The following TMEM120B variants were observed in gnomAD, a reference collection of about 807,000 sequenced individuals.
TMEM120B encodes transmembrane protein 120B.
A neutral mutation model predicts 55.5 loss-of-function variants in TMEM120B; 31 were observed. The observed-to-expected ratio is 0.56, with a 90% CI of 0.42 to 0.75. TMEM120B has a LOEUF of 0.75. Among genes scored for constraint, TMEM120B ranks in the 30% least tolerant of loss-of-function variants. The pLI is 0.00. For missense variants in TMEM120B, 399 were observed against 425.5 expected (o/e 0.94, Z 0.55); for synonymous variants, 203 against 176.3 (o/e 1.15, Z -1.20).
intron 1 of TMEM120B, among the ~76,000 whole-genome samples, chr12:121,722,533 C>T (rs1052987452): frequency 2.6e-5 from 4 of 152,128 alleles, no homozygotes; most frequent in Non-Finnish European, 4.4e-5. Flanking sequence ...ACACTGAGCA[C>T]CCAGAGAGAG....
intron 9 of TMEM120B, 48 bp downstream of exon 9, chr12:121,773,561 CAGCT>C: frequency 3.5e-6 from 5 of 1,421,680 alleles, no homozygotes; most frequent in Non-Finnish European, 4.7e-6. Flanking sequence ...CTGGACCTGC[CAGCT>C]CCCCACACCG....
intron 1 of TMEM120B, among the ~76,000 whole-genome samples, chr12:121,719,404 G>A (rs1894755376): frequency 6.6e-6 from 1 of 152,122 alleles, no homozygotes; most frequent in Non-Finnish European, 1.5e-5. Flanking sequence ...GGGCAATGTA[G>A]TAAGACCCTG....
intron 2 of TMEM120B, among the ~76,000 whole-genome samples, chr12:121,744,691 T>C (rs145566038): frequency 2.0e-5 from 3 of 152,308 alleles, no homozygotes; most frequent in Non-Finnish European, 4.4e-5. Flanking sequence ...CGTGACCCCA[T>C]TGTCAGGCAG....
intron 5 of TMEM120B, among the ~76,000 whole-genome samples, chr12:121,753,126 A>G (rs771037743): frequency 2.6e-5 from 4 of 152,062 alleles, no homozygotes; most frequent in Non-Finnish European, 5.9e-5. Flanking sequence ...GGAGAGAGAA[A>G]TGAAGTACTG....
chr12:121,722,299 A>G (rs969841776), intron 1 of TMEM120B, among the ~76,000 whole-genome samples: 3 of 152,050 alleles, frequency 2.0e-5, no homozygotes, highest in African/African-American at 7.2e-5. Flanking sequence ...GGGTTTTACC[A>G]TGTTGATCAG....
chr12:121,750,506 C>G (rs1873243995), intron 4 of TMEM120B, 67 bp downstream of exon 4: 24 of 1,298,910 alleles, frequency 1.8e-5, no homozygotes, highest in Non-Finnish European at 2.4e-5. Context: ...ACCCACACCC[C>G]AAACCCCACA....
chr12:121,732,400 A>T (rs2137056031), intron 1 of TMEM120B, among the ~76,000 whole-genome samples: 1 of 152,178 alleles, frequency 6.6e-6, no homozygotes, highest in Admixed American at 6.6e-5. Context: ...CCAGTGAGGG[A>T]TCCCTCCCCT....
intron 4 of TMEM120B, 87 bp from the exon 5 acceptor site, chr12:121,752,041 C>T: frequency 1.8e-6 from 2 of 1,109,610 alleles, no homozygotes; most frequent in South Asian, 1.4e-5. Context: ...GGCTGAAGGA[C>T]AAGGGTCTGA....
chr12:121,715,448 CTCTT>C (rs1266673662), intron 1 of TMEM120B, among the ~76,000 whole-genome samples: 6 of 152,234 alleles, frequency 3.9e-5, no homozygotes, highest in African/African-American at 1.4e-4. Flanking sequence ...AGTTGTTTGA[CTCTT>C]TCTTAGGACT....
chr12:121,723,056 C>G (rs552605082), intron 1 of TMEM120B, among the ~76,000 whole-genome samples: 1 of 151,852 alleles, frequency 6.6e-6, no homozygotes. Context: ...CCATGTTAGT[C>G]AGGCTGGTCT....
intron 3 of TMEM120B, among the ~76,000 whole-genome samples, chr12:121,749,212 C>G (rs1466858031): frequency 6.6e-6 from 1 of 152,182 alleles, no homozygotes. Flanking sequence ...TCCTTTTTGA[C>G]TGTGTTCGAA....
chr12:121,779,455 C>G lies in TMEM120B; in HGVS notation c.*3733C>G. Reference sequence around the variant, plus strand: ...CCCTGGTGCAATCGGCACCTGGGCCCCCGGGCCCTGTCAGTGCTGTCGTGA... The same window carrying G: ...CCCTGGTGCAATCGGCACCTGGGCCGCCGGGCCCTGTCAGTGCTGTCGTGA... On this transcript the variant is annotated 3_prime_UTR_variant, in exon 12 of 12. Transcript: ENST00000449592. 1 of 1,598,706 alleles carries G rather than the reference C, an allele frequency of 6.3e-7. No individual in the cohort carries two copies. Among genetic ancestry groups the G allele is most frequent in the Non-Finnish European group, 8.5e-7 (1 of 1,174,990 alleles).
At chr12:121,714,502 T>A (rs946841062) in intron 1 of TMEM120B, among the ~76,000 whole-genome samples, 1 of 147,808 alleles carries the variant, frequency 6.8e-6, no homozygotes, top group Non-Finnish European at 1.5e-5. Context: ...CACCTCGGCC[T>A]CCCAAAGTGC....
chr12:121,736,206 G>A (rs1036573291), intron 1 of TMEM120B, among the ~76,000 whole-genome samples: 8 of 150,620 alleles, frequency 5.3e-5, no homozygotes, highest in Admixed American at 4.0e-4. Flanking sequence ...GGCGTGTCTC[G>A]CTCTGTGGCC....
chr12:121,759,788 G>A (rs1873610217), intron 5 of TMEM120B, among the ~76,000 whole-genome samples: 1 of 152,234 alleles, frequency 6.6e-6, no homozygotes, highest in Non-Finnish European at 1.5e-5. Flanking sequence ...CTTGTGGTCA[G>A]GAGTTCGATA....
Position 121,775,230 on chromosome 12 carries a change from A to T in TMEM120B, c.906+100A>T. 1.5e-5 allele frequency: 10 copies of T among 675,502 alleles called. No homozygotes were observed. Among genetic ancestry groups the T allele is most frequent in the Non-Finnish European group, 2.0e-5 (10 of 505,726 alleles). 41.8% of individuals were successfully genotyped at this position (675,502 alleles called of 1,614,324 possible). ...CATGCTGGGGTGCGGATTCCTGGGG[A>T]GGGCTGGGATGGCAGATGTGGGGGT... On this transcript the variant is annotated intron_variant, in intron 11 of 11. Transcript: ENST00000449592. This position sits in a 1 kb window ranked among gnomAD's most constrained non-coding sequence, Gnocchi z 4.3.
intron 1 of TMEM120B, among the ~76,000 whole-genome samples, chr12:121,719,258 G>C (rs769155283): frequency 1.9e-4 from 29 of 151,854 alleles, no homozygotes; most frequent in Non-Finnish European, 3.7e-4. Flanking sequence ...AAAAAAAACA[G>C]AGAGAGGGAT....
Position 121,781,472 on chromosome 12 carries a change from T to TA in TMEM120B, c.*5752dup. The TA allele has an allele frequency of 2.6e-6, 1 of 380,968 alleles. No homozygotes were observed. Among genetic ancestry groups the TA allele is most frequent in the Non-Finnish European group, 4.9e-6 (1 of 203,630 alleles). The allele number at this position is 380,968 out of a possible 1,614,324, so 23.6% of individuals were successfully genotyped here. ...GGTGACAGAGCGAGACCCTGTCTCT[T>TA]AACAACAAAACCCATGAGCGGCAGC... On this transcript the variant is annotated 3_prime_UTR_variant, in exon 12 of 12. Transcript: ENST00000449592.
At chr12:121,739,502 T>G (rs930154670) in intron 1 of TMEM120B, among the ~76,000 whole-genome samples, 7 of 151,882 alleles carry the variant, frequency 4.6e-5, no homozygotes, top group Admixed American at 6.6e-5. Flanking sequence ...GAACAGAGTC[T>G]CCCTCTGTTA....
Sources: gnomAD v4.1 joint callset for allele counts (sites outside exome capture counted in the v4.1 genomes callset) on GRCh38, gnomAD v4.1.1 for gene constraint, Gnocchi (gnomAD v3.1) non-coding constraint, MANE v1.5 for transcripts, NCBI Gene and HGNC (gene_info 2026-07-23, HGNC 2026-07-21) for gene names.